The following PTPRG variants were observed in gnomAD, a reference collection of about 807,000 sequenced individuals.
PTPRG encodes receptor-type tyrosine-protein phosphatase gamma.
Under a neutral mutation model 165.3 loss-of-function variants are expected in PTPRG, and 102 were observed. The observed-to-expected ratio is 0.62, with a 90% confidence interval of 0.53 to 0.73. The LOEUF (loss-of-function observed/expected upper bound fraction) is 0.73. Ranked by LOEUF, PTPRG falls within the 30% of genes least tolerant of loss-of-function variation. The pLI, the probability that PTPRG is intolerant of heterozygous loss-of-function variation, is 0.00. For synonymous variants in PTPRG, 675 were observed against 669.5 expected (o/e 1.01, Z -0.13); for missense variants, 1,866 against 1,861.4 (o/e 1.00, Z -0.05).
chr3:61,781,200 T>C (rs1449964511), intron 2 of PTPRG, among the ~76,000 whole-genome samples: 1 of 152,206 alleles, frequency 6.6e-6, no homozygotes, highest in African/African-American at 2.4e-5. Context: ...TTCCCATCTT[T>C]CCACCTGCAT....
Position 62,082,540 on chromosome 3 carries a change from G to A in PTPRG, c.615+4282G>A, listed in dbSNP as rs147413348. ...GATGATGTAGCAGTAATCGAGATGT[G>A]TCTAGTGGCTACTTTGGAGGGAGTG... is the stretch of plus-strand genomic sequence containing the variant. On this transcript the variant is annotated intron_variant, in intron 5 of 29. Transcript: ENST00000474889. Among the ~76,000 whole-genome samples, 180 of 152,336 alleles carry A rather than the reference G, an allele frequency of 1.2e-3. 1 individual carries two copies. Among genetic ancestry groups the A allele is most frequent in the Non-Finnish European group, 3.5e-4 (24 of 68,026 alleles).
intron 3 of PTPRG, among the ~76,000 whole-genome samples, chr3:61,991,884 G>C (rs1004971057): frequency 6.6e-6 from 1 of 152,138 alleles, no homozygotes; most frequent in Non-Finnish European, 1.5e-5. Flanking sequence ...ACGTATGTAG[G>C]GTTCACTCGA....
chr3:61,873,834 TA>T (rs66634619), intron 2 of PTPRG, among the ~76,000 whole-genome samples: 5,872 of 152,280 alleles, frequency 0.039, 144 homozygotes, highest in Non-Finnish European at 0.055. Flanking sequence ...TTTCTGGGTT[TA>T]TGTCCCAGCT....
At chr3:61,671,790 C>T (rs1329744300) in intron 1 of PTPRG, among the ~76,000 whole-genome samples, 25 of 135,356 alleles carry the variant, frequency 1.8e-4, no homozygotes, top group African/African-American at 5.7e-4. Flanking sequence ...ACCTCCCTCC[C>T]GGATGGGGCG....
chr3:61,718,484 G>A (rs1032824463), intron 1 of PTPRG, among the ~76,000 whole-genome samples: 8 of 152,172 alleles, frequency 5.3e-5, no homozygotes, highest in Non-Finnish European at 1.0e-4. Flanking sequence ...ATGTGACATT[G>A]TGACATTGTG....
At chr3:61,846,672 T>A (rs1402349141) in intron 2 of PTPRG, among the ~76,000 whole-genome samples, 1 of 152,108 alleles carries the variant, frequency 6.6e-6, no homozygotes, top group Non-Finnish European at 1.5e-5. Context: ...TCCCAGCACT[T>A]GGGAGGTTGA....
At chr3:61,604,052 A>ACCCAGCTCATGCCTGTAAT (rs1326865750) in intron 1 of PTPRG, among the ~76,000 whole-genome samples, 3 of 152,060 alleles carry the variant, frequency 2.0e-5, no homozygotes, top group African/African-American at 7.2e-5. Flanking sequence ...ATGCCTGTAA[A>ACCCAGCTCATGCCTGTAAT]CCCAGCTCAT....
chr3:62,249,619 T>G (rs1396586313), intron 15 of PTPRG, among the ~76,000 whole-genome samples: 7 of 152,060 alleles, frequency 4.6e-5, no homozygotes, highest in African/African-American at 1.7e-4. Context: ...CTCACACACT[T>G]CCAGAGTAAG....
chr3:62,195,476 A>T lies in PTPRG; in HGVS notation c.1327+306A>T, dbSNP rs566268029. Among the ~76,000 whole-genome samples the T allele has an allele frequency of 7.9e-5, 12 of 152,256 alleles. No individual in the cohort carries two copies. The South Asian group carries it at 1.0e-3, about 13-fold the overall frequency. On this transcript the variant is annotated intron_variant, in intron 10 of 29. Transcript: ENST00000474889. The surrounding 1 kb of genome is among the most constrained non-coding windows in gnomAD (Gnocchi z 4.4). ...TGTCCAGCGCTGTGTCAGATCACAC[A>T]ATCACTTCCAAGTTGTACCGCTGAA... is the stretch of plus-strand genomic sequence containing the variant.
At chr3:61,566,083 C>G (rs548755021) in intron 1 of PTPRG, among the ~76,000 whole-genome samples, 41 of 152,146 alleles carry the variant, frequency 2.7e-4, no homozygotes, top group African/African-American at 9.6e-4. Context: ...GGTTGATGGA[C>G]TTAAAACACT....
intron 1 of PTPRG, among the ~76,000 whole-genome samples, chr3:61,670,258 G>C (rs898163357): frequency 6.6e-6 from 1 of 152,168 alleles, no homozygotes; most frequent in African/African-American, 2.4e-5. Flanking sequence ...CCCAGGAGGG[G>C]GTTGACTTAT....
At position 61,914,261 on chromosome 3, in the gene PTPRG, T is replaced by C. The variant is rs185012940; in HGVS notation, c.191-75364T>C. On this transcript the variant is annotated intron_variant, in intron 2 of 29. Coordinates refer to ENST00000474889, the MANE Select transcript of PTPRG (RefSeq NM_002841.4). ...TTGACTTAAGCGTTTCTTTTTGTGA[T>C]TCCATGTGGGGTGCTGGAATAAGGT... Among the ~76,000 whole-genome samples the C allele has an allele frequency of 3.7e-4, 56 of 152,326 alleles. 1 individual carries two copies. The East Asian group carries it at 6.8e-3, about 18-fold the overall frequency.
intron 2 of PTPRG, among the ~76,000 whole-genome samples, chr3:61,980,105 G>A (rs1314828420): frequency 1.3e-5 from 2 of 152,106 alleles, no homozygotes; most frequent in Non-Finnish European, 2.9e-5. Flanking sequence ...ACCTTGTGGA[G>A]CATGATACTG....
rs897342108 is a variant in PTPRG, at chr3:62,219,356, A to G, written c.2288+373A>G. Among the ~76,000 whole-genome samples the G allele has an allele frequency of 2.6e-5, 4 of 152,250 alleles. No individual in the cohort carries two copies. The highest frequency in any genetic ancestry group is 9.6e-5 in the African/African-American group (4 of 41,470). On this transcript the variant is annotated intron_variant, in intron 13 of 29. Coordinates refer to ENST00000474889, the MANE Select transcript of PTPRG (RefSeq NM_002841.4). This position sits in a 1 kb window ranked among gnomAD's most constrained non-coding sequence, Gnocchi z 4.5. ...TCATAGCATTTGCAGTTTTTCTGAG[A>G]TGATGCTTACTTTGTTGTAGTCACA... is the stretch of plus-strand genomic sequence containing the variant.
chr3:61,942,795 T>A (rs967658993), intron 2 of PTPRG, among the ~76,000 whole-genome samples: 7 of 152,372 alleles, frequency 4.6e-5, no homozygotes, highest in East Asian at 1.9e-4. Flanking sequence ...ATGTCTTTTT[T>A]AAAATTGTCC....
At chr3:62,023,092 T>C (rs959273292) in intron 4 of PTPRG, among the ~76,000 whole-genome samples, 1 of 152,120 alleles carries the variant, frequency 6.6e-6, no homozygotes, top group African/African-American at 2.4e-5. Flanking sequence ...ATATTATGAC[T>C]AAATTACTTG....
At chr3:61,846,523 T>G (rs1309838005) in intron 2 of PTPRG, among the ~76,000 whole-genome samples, 1 of 152,206 alleles carries the variant, frequency 6.6e-6, no homozygotes, top group Non-Finnish European at 1.5e-5. Context: ...AACTTGGGCT[T>G]CCTCCTTGGG....
At chr3:61,670,366 TTAAA>T (rs1228372307) in intron 1 of PTPRG, among the ~76,000 whole-genome samples, 8 of 152,206 alleles carry the variant, frequency 5.3e-5, no homozygotes, top group African/African-American at 1.9e-4. Flanking sequence ...CCAGGGAGTC[TTAAA>T]GATGTCACTG....
At position 61,933,855 on chromosome 3, in the gene PTPRG, T is replaced by A. The variant is rs78391229; in HGVS notation, c.191-55770T>A. 1.0e-3 allele frequency among the ~76,000 whole-genome samples: 156 copies of A among 152,348 alleles called. 3 individuals carry two copies. In the East Asian group the frequency reaches 0.026, roughly 26 times the overall value. ...TTCTTTGGCATTTATATCAAACATG[T>A]AATCAGTAGATCAGCTAGTTTGAAA... On this transcript the variant is annotated intron_variant, in intron 2 of 29. Coordinates refer to ENST00000474889, the MANE Select transcript of PTPRG (RefSeq NM_002841.4).
Sources: gnomAD v4.1 joint callset for allele counts (sites outside exome capture counted in the v4.1 genomes callset) on GRCh38, gnomAD v4.1.1 for gene constraint, Gnocchi (gnomAD v3.1) non-coding constraint, MANE v1.5 for transcripts, NCBI Gene and HGNC (gene_info 2026-07-23, HGNC 2026-07-21) for gene names.